The following PABPC3 variants were observed in gnomAD, a reference collection of about 807,000 sequenced individuals.
PABPC3 encodes the protein polyadenylate-binding protein 3.
A neutral mutation model predicts 43.0 loss-of-function variants in PABPC3; 43 were observed. The ratio of observed to expected loss-of-function variants is 1.00; its 90% CI spans 0.78 to 1.29. The LOEUF is 1.29. Among genes scored for constraint, PABPC3 ranks in the 50% most tolerant of loss-of-function variants. PABPC3 has a pLI of 0.00. For synonymous variants in PABPC3, 221 were observed against 274.6 expected (o/e 0.80, Z 1.93); for missense variants, 784 against 798.1 (o/e 0.98, Z 0.21).
chr13:25,096,371 A>C lies in PABPC3; in HGVS notation c.173A>C (p.Asn58Thr), dbSNP rs141588970. Residue 58 changes from asparagine to threonine, a missense_variant, in exon 1 of 1, where the codon AAC (asparagine) becomes ACC (threonine). Physicochemically the swap from Asn to Thr is moderately conservative, Grantham distance 65 (BLOSUM62 0). Transcript: ENST00000281589. ...TSGSSNYAYV[N>T]FQHTKDAEHA... ...GGCTCCTCCAACTACGCGTATGTGAACTTCCAGCATACGAAGGACGCGGAG... is the reference window on the plus strand; with the variant it reads ...GGCTCCTCCAACTACGCGTATGTGACCTTCCAGCATACGAAGGACGCGGAG... 4 of 1,614,134 alleles carry C rather than the reference A, an allele frequency of 2.5e-6. No individual in the cohort carries two copies. The African/African-American group carries it at 5.3e-5, about 22-fold the overall frequency.
chr13:25,096,333 C>T lies in PABPC3; in HGVS notation c.135C>T (p.Asp45=). 1 of 1,614,252 alleles carries T rather than the reference C, an allele frequency of 6.2e-7. No homozygotes were observed. The highest frequency in any genetic ancestry group is 1.3e-5 in the African/African-American group (1 of 75,074). The part of the protein sequence containing the change: ...GPILSIRICR[D]LITSGSSNYA... ...TCCTCTCCATCCGGATCTGCAGGGA[C>T]TTGATCACCAGCGGCTCCTCCAACT... is the stretch of plus-strand genomic sequence containing the variant. Residue 45 remains aspartate, a synonymous_variant, in exon 1 of 1, where the codon GAC becomes GAT. Coordinates refer to ENST00000281589, the MANE Select transcript of PABPC3 (RefSeq NM_030979.3).
rs1365557453 is a variant in PABPC3 at position 25,096,912 on chromosome 13, T to C, written c.714T>C (p.Phe238=). The change falls in exon 1 of 1, where the codon TTT becomes TTC. Residue 238 remains phenylalanine (F), a synonymous_variant. Transcript: ENST00000281589. ...CCAAAGGATTTGGATTTGTAAGCTT[T>C]GAAAGGCATGAAGATGCACAGAAAG... ...GKSKGFGFVS[F]ERHEDAQKAV... The C allele has an allele frequency of 1.2e-6, 2 of 1,614,270 alleles. No individual in the cohort carries two copies. The highest frequency in any genetic ancestry group is 2.2e-5 in the South Asian group (2 of 91,090).
chr13:25,096,417 T>G lies in PABPC3; in HGVS notation c.219T>G (p.Asn73Lys), dbSNP rs199908994. ...CGGAGCATGCTCTGGACACCATGAA[T>G]TTTGATGTTATAAAGGGCAAGCCAG... Reference protein sequence around the residue: ...KDAEHALDTMNFDVIKGKPVR... With the variant: ...KDAEHALDTMKFDVIKGKPVR... The change falls in exon 1 of 1, where the codon AAT becomes AAG. Residue 73 changes from asparagine (N) to lysine (K), a missense_variant. Coordinates refer to ENST00000281589, the MANE Select transcript of PABPC3 (RefSeq NM_030979.3). 3.0e-5 allele frequency: 49 copies of G among 1,614,202 alleles called. No individual in the cohort carries two copies. Among genetic ancestry groups the G allele is most frequent in the Non-Finnish European group, 4.0e-5 (47 of 1,180,036 alleles).
Position 25,096,173 on chromosome 13 carries a change from T to C in PABPC3, c.-26T>C. 1.3e-6 allele frequency: 2 copies of C among 1,596,508 alleles called. No individual in the cohort carries two copies. The highest frequency in any genetic ancestry group is 4.5e-5 in the East Asian group (2 of 44,730). ...CCTGTAACGGAAAGGTCGCGGCTTG[T>C]GTGCCTGCGGGCAGCCGTGCCGAGA... On this transcript the variant is annotated 5_prime_UTR_variant, in exon 1 of 1. Transcript: ENST00000281589.
In PABPC3 at chr13:25,098,161, C is replaced by A. The variant is rs1320921632; in HGVS notation, c.*67C>A. On this transcript the variant is annotated 3_prime_UTR_variant, in exon 1 of 1. Coordinates refer to ENST00000281589, the MANE Select transcript of PABPC3 (RefSeq NM_030979.3). ...AGAAAAATATCTAAACATCGAGAAA[C>A]TATGGGAAAAAAAATTGCAAAATCT... 2.1e-6 allele frequency: 3 copies of A among 1,403,004 alleles called. No individual in the cohort carries two copies. Among genetic ancestry groups the A allele is most frequent in the Non-Finnish European group, 3.0e-6 (3 of 1,016,706 alleles). The allele number at this position is 1,403,004 out of a possible 1,614,324, so 86.9% of individuals were successfully genotyped here.
rs1398102994 is a variant in PABPC3, at chr13:25,096,392, C to T, written c.194C>T (p.Ala65Val). The part of the protein sequence containing the change: ...AYVNFQHTKD[A>V]EHALDTMNFD... ...GTGAACTTCCAGCATACGAAGGACGCGGAGCATGCTCTGGACACCATGAAT... is the reference window on the plus strand; with the variant it reads ...GTGAACTTCCAGCATACGAAGGACGTGGAGCATGCTCTGGACACCATGAAT... The change falls in exon 1 of 1, where the codon GCG (alanine) becomes GTG (valine). Residue 65 changes from alanine to valine, a missense_variant. By Grantham distance (64) the Ala-to-Val change is moderately conservative. Transcript: ENST00000281589. 1.2e-6 allele frequency: 2 copies of T among 1,614,206 alleles called. No individual in the cohort carries two copies. Among genetic ancestry groups the T allele is most frequent in the Non-Finnish European group, 1.7e-6 (2 of 1,180,048 alleles).
chr13:25,096,273 G>C lies in PABPC3; in HGVS notation c.75G>C (p.Ala25=). Residue 25 remains alanine, a synonymous_variant, in exon 1 of 1, where the codon GCG becomes GCC. Transcript: ENST00000281589. ...VGDLHPDVTE[A]MLYEKFSPAG... is the part of the protein sequence containing the mutation. ...ACCTCCACCCCGACGTGACTGAGGCGATGCTCTACGAGAAGTTCAGCCCGG... is the reference window on the plus strand; with the variant it reads ...ACCTCCACCCCGACGTGACTGAGGCCATGCTCTACGAGAAGTTCAGCCCGG... The C allele has an allele frequency of 3.7e-6, 6 of 1,614,218 alleles. No individual in the cohort carries two copies. In the East Asian group the frequency reaches 8.9e-5, roughly 24 times the overall value.
Position 25,098,146 on chromosome 13 carries a change from C to A in PABPC3, c.*52C>A, listed in dbSNP as rs751531828. 1.4e-6 allele frequency: 2 copies of A among 1,474,434 alleles called. No homozygotes were observed. Among genetic ancestry groups the A allele is most frequent in the South Asian group, 1.2e-5 (1 of 82,144 alleles). The allele number at this position is 1,474,434 out of a possible 1,614,324, so 91.3% of individuals were successfully genotyped here. ...TTTGTGCTTCACCGAAGAAAAATAT[C>A]TAAACATCGAGAAACTATGGGAAAA... On this transcript the variant is annotated 3_prime_UTR_variant, in exon 1 of 1. Coordinates refer to ENST00000281589, the MANE Select transcript of PABPC3 (RefSeq NM_030979.3).
chr13:25,097,642 C>T, the PABPC3 span: 1 of 1,614,224 alleles, frequency 6.2e-7, no homozygotes, highest in Middle Eastern at 1.6e-4. Context: ...CACATCAACA[C>T]AGACAGTGGG....
At position 25,096,697 on chromosome 13, in the gene PABPC3, A is replaced by G. The variant is rs754032154; in HGVS notation, c.499A>G (p.Lys167Glu). 3.1e-6 allele frequency: 5 copies of G among 1,614,200 alleles called. No individual in the cohort carries two copies. Among genetic ancestry groups the G allele is most frequent in the Non-Finnish European group, 3.4e-6 (4 of 1,180,070 alleles). Reference protein sequence around the residue: ...KMNGMLLNGRKVFVGQFKSRK... With the variant: ...KMNGMLLNGREVFVGQFKSRK... ...GAACGGAATGCTCCTAAATGGTCGC[A>G]AAGTATTTGTTGGACAATTTAAGTC... is the stretch of plus-strand genomic sequence containing the variant. Residue 167 changes from lysine to glutamate, a missense_variant, in exon 1 of 1, where the codon AAA becomes GAA. Coordinates refer to ENST00000281589, the MANE Select transcript of PABPC3 (RefSeq NM_030979.3).
rs1166421701 is a variant in PABPC3, at chr13:25,096,658, G to A, written c.460G>A (p.Ala154Thr). The change falls in exon 1 of 1, where the codon GCT becomes ACT. Residue 154 changes from alanine to threonine, a missense_variant. Transcript: ENST00000281589. ...HFETHEAAER[A>T]IKKMNGMLLN... Reference sequence around the variant, plus strand: ...TGAGACACACGAAGCAGCTGAAAGAGCTATTAAAAAAATGAACGGAATGCT... The same window carrying A: ...TGAGACACACGAAGCAGCTGAAAGAACTATTAAAAAAATGAACGGAATGCT... 1 of 1,614,266 alleles carries A rather than the reference G, an allele frequency of 6.2e-7. No individual in the cohort carries two copies. The highest frequency in any genetic ancestry group is 2.2e-5 in the East Asian group (1 of 44,892).
rs2137385904 is a variant in PABPC3, at chr13:25,098,102, C to A, written c.*8C>A. 1.2e-6 allele frequency: 2 copies of A among 1,607,482 alleles called. No individual in the cohort carries two copies. The highest frequency in any genetic ancestry group is 4.5e-5 in the East Asian group (2 of 44,834). On this transcript the variant is annotated 3_prime_UTR_variant, in exon 1 of 1. Coordinates refer to ENST00000281589, the MANE Select transcript of PABPC3 (RefSeq NM_030979.3). ...GGTGTTCCAACTGTTTAAAATTGAT[C>A]AGAGACCACGAAAAGAAATTTGTGC...
chr13:25,098,389 G>T lies in PABPC3; in HGVS notation c.*295G>T. The T allele has an allele frequency of 3.5e-6, 1 of 283,240 alleles. No homozygotes were observed. The highest frequency in any genetic ancestry group is 6.7e-5 in the South Asian group (1 of 15,014). The allele number at this position is 283,240 out of a possible 1,614,324, so 17.5% of individuals were successfully genotyped here. On this transcript the variant is annotated 3_prime_UTR_variant, in exon 1 of 1. Transcript: ENST00000281589. Reference sequence around the variant, plus strand: ...CCAGTTAATGTTTTGTAGACCCTGGGAAAAGAATTTTCAGCAAAGTACAAA... The same window carrying T: ...CCAGTTAATGTTTTGTAGACCCTGGTAAAAGAATTTTCAGCAAAGTACAAA...
In PABPC3 at chr13:25,097,840, G is replaced by A. The variant is rs144664628; in HGVS notation, c.1642G>A (p.Ala548Thr). ...TTTGACTGCCTCCAGGTTGGCATCT[G>A]CCCCTCCTCAAAAGCAAAAGCAAAT... The part of the protein sequence containing the change: ...ETLTASRLAS[A>T]PPQKQKQMLG... The change falls in exon 1 of 1, where the codon GCC (alanine) becomes ACC (threonine). Residue 548 changes from alanine to threonine, a missense_variant. Physicochemically the swap from Ala to Thr is moderately conservative, Grantham distance 58 (BLOSUM62 0). Transcript: ENST00000281589. 279 of 1,613,966 alleles carry A rather than the reference G, an allele frequency of 1.7e-4. 3 individuals are homozygous for A. In the Middle Eastern group the frequency reaches 2.3e-3, roughly 13 times the overall value.
chr13:25,096,489 A>T lies in PABPC3; in HGVS notation c.291A>T (p.Gly97=), dbSNP rs369126872. 13 of 1,614,116 alleles carry T rather than the reference A, an allele frequency of 8.1e-6. No individual in the cohort carries two copies. Among genetic ancestry groups the T allele is most frequent in the Non-Finnish European group, 1.1e-5 (13 of 1,180,050 alleles). Residue 97 remains glycine, a synonymous_variant, in exon 1 of 1, where the codon GGA becomes GGT. Transcript: ENST00000281589. Reference sequence around the variant, plus strand: ...GTGATCCATCACTTCGAAAAAGTGGAGTGGGCAACATATTCGTTAAAAATC... The same window carrying T: ...GTGATCCATCACTTCGAAAAAGTGGTGTGGGCAACATATTCGTTAAAAATC... ...SQRDPSLRKS[G]VGNIFVKNLD...
Position 25,097,963 on chromosome 13 carries a change from C to G in PABPC3, c.1765C>G (p.Leu589Val), listed in dbSNP as rs145702712. Reference sequence around the variant, plus strand: ...GTTGGAGATTGATAATTCAGAACTTCTTTATATGCTCGAGTCTCCAGAGTC... The same window carrying G: ...GTTGGAGATTGATAATTCAGAACTTGTTTATATGCTCGAGTCTCCAGAGTC... Reference protein sequence around the residue: ...MLLEIDNSELLYMLESPESLR... With the variant: ...MLLEIDNSELVYMLESPESLR... The change falls in exon 1 of 1, where the codon CTT becomes GTT. Residue 589 changes from leucine to valine, a missense_variant. By Grantham distance (32) the Leu-to-Val change is conservative. Transcript: ENST00000281589. 8 of 1,613,988 alleles carry G rather than the reference C, an allele frequency of 5.0e-6. No individual in the cohort carries two copies. In the African/African-American group the frequency reaches 1.1e-4, roughly 22 times the overall value.
chr13:25,096,634 G>A lies in PABPC3; in HGVS notation c.436G>A (p.Glu146Lys). 6.2e-7 allele frequency: 1 copy of A among 1,614,266 alleles called. No individual in the cohort carries two copies. The highest frequency in any genetic ancestry group is 8.5e-7 in the Non-Finnish European group (1 of 1,180,050). The change falls in exon 1 of 1, where the codon GAG becomes AAG. Residue 146 changes from glutamate to lysine, a missense_variant. Transcript: ENST00000281589. ...CAAGGGTTATGGATTTGTACACTTTGAGACACACGAAGCAGCTGAAAGAGC... is the reference window on the plus strand; with the variant it reads ...CAAGGGTTATGGATTTGTACACTTTAAGACACACGAAGCAGCTGAAAGAGC... Reference protein sequence around the residue: ...GSKGYGFVHFETHEAAERAIK... With the variant: ...GSKGYGFVHFKTHEAAERAIK...
At position 25,096,852 on chromosome 13, in the gene PABPC3, A is replaced by C. The variant is rs757127992; in HGVS notation, c.654A>C (p.Leu218Phe). 3.1e-6 allele frequency: 5 copies of C among 1,614,294 alleles called. No individual in the cohort carries two copies. The highest frequency in any genetic ancestry group is 1.1e-5 in the South Asian group (1 of 91,092). Residue 218 changes from leucine to phenylalanine, a missense_variant, in exon 1 of 1, where the codon TTA (leucine) becomes TTC (phenylalanine). By Grantham distance (22) the Leu-to-Phe change is conservative. Transcript: ENST00000281589. ...TCTTTGGCAAGTTCGGGCCCGCCTT[A>C]AGTGTGAAAGTAATGACCGATGAAA... ...KDLFGKFGPA[L>F]SVKVMTDESG... is the part of the protein sequence containing the mutation.
At position 25,097,184 on chromosome 13, in the gene PABPC3, G is replaced by C; in HGVS notation, c.986G>C (p.Gly329Ala). Residue 329 changes from glycine (G) to alanine (A), a missense_variant, in exon 1 of 1, where the codon GGT (glycine) becomes GCT (alanine). By Grantham distance (60) the Gly-to-Ala change is moderately conservative. Coordinates refer to ENST00000281589, the MANE Select transcript of PABPC3 (RefSeq NM_030979.3). ...TITSAKVMME[G>A]GRSKGFGFVC... Reference sequence around the variant, plus strand: ...ACTAGTGCAAAGGTTATGATGGAAGGTGGTCGCAGCAAAGGGTTTGGTTTT... The same window carrying C: ...ACTAGTGCAAAGGTTATGATGGAAGCTGGTCGCAGCAAAGGGTTTGGTTTT... 1 of 1,614,036 alleles carries C rather than the reference G, an allele frequency of 6.2e-7. No homozygotes were observed. Among genetic ancestry groups the C allele is most frequent in the Non-Finnish European group, 8.5e-7 (1 of 1,179,984 alleles).
Sources: allele counts gnomAD v4.1 joint callset, GRCh38; gene constraint gnomAD v4.1.1; transcripts MANE v1.5; gene names NCBI Gene and HGNC (gene_info 2026-07-23, HGNC 2026-07-21).